The following ATP5MJ variants were observed in gnomAD, a reference collection of about 807,000 sequenced individuals.
ATP5MJ encodes ATP synthase membrane subunit j.
A neutral mutation model predicts 8.3 loss-of-function variants in ATP5MJ; 4 were observed. The ratio of observed to expected loss-of-function variants is 0.48; its 90% CI spans 0.24 to 1.11. The LOEUF (loss-of-function observed/expected upper bound fraction) is 1.11, where lower values mean the gene tolerates loss of function less well. Among genes scored for constraint, ATP5MJ ranks in the 50% least tolerant of loss-of-function variants. The pLI, the probability that ATP5MJ is intolerant of heterozygous loss-of-function variation, is 0.18. For synonymous variants in ATP5MJ, 23 were observed against 21.3 expected (o/e 1.08, Z -0.23); for missense variants, 66 against 71.8 (o/e 0.92, Z 0.29).
chr14:103,914,637 C>CAA (rs753046971), intron 2 of ATP5MJ: 314 of 423,196 alleles, frequency 7.4e-4, no homozygotes, highest in South Asian at 1.8e-3. Flanking sequence ...CCCATCTCTA[C>CAA]AAAAAAAAAA....
intron 1 of ATP5MJ, among the ~76,000 whole-genome samples, chr14:103,918,373 C>CTTTTTT: frequency 6.6e-6 from 1 of 150,482 alleles, no homozygotes. Context: ...TTTTTTTTCT[C>CTTTTTT]TTTTTTGAGA....
At chr14:103,918,794 A>AGGGAGATCAAGAGGTC (rs1189084904) in intron 1 of ATP5MJ, among the ~76,000 whole-genome samples, 8 of 151,700 alleles carry the variant, frequency 5.3e-5, no homozygotes, top group African/African-American at 9.6e-5. Flanking sequence ...GGTCCAAGGC[A>AGGGAGATCAAGAGGTC]GGGAGATCAA....
At chr14:103,914,961 T>G in intron 2 of ATP5MJ, 105 bp downstream of exon 2, 1 of 1,450,098 alleles carries the variant, frequency 6.9e-7, no homozygotes, top group Non-Finnish European at 9.5e-7. Context: ...GCTCTAATGT[T>G]CATACCTAGT....
At chr14:103,916,126 A>G (rs531005914) in intron 1 of ATP5MJ, among the ~76,000 whole-genome samples, 1 of 152,336 alleles carries the variant, frequency 6.6e-6, no homozygotes, top group Non-Finnish European at 1.5e-5. Flanking sequence ...AACAGATGAC[A>G]TAAGACAACG....
chr14:103,921,078 G>A, intron 1 of ATP5MJ: 3 of 1,524,806 alleles, frequency 2.0e-6, no homozygotes, highest in South Asian at 1.2e-5. Context: ...TGTGGCGCAA[G>A]GAAACTTGAG....
chr14:103,919,780 A>C (rs1247905131), intron 1 of ATP5MJ, among the ~76,000 whole-genome samples: 8 of 151,858 alleles, frequency 5.3e-5, no homozygotes, highest in Non-Finnish European at 1.5e-5. Context: ...TTCAGTTGCC[A>C]TATTTGCCTG....
At chr14:103,913,638 A>T in intron 3 of ATP5MJ, 1 of 432,700 alleles carries the variant, frequency 2.3e-6, no homozygotes, top group Non-Finnish European at 4.0e-6. Flanking sequence ...ATAAAACGAC[A>T]TCATTAGGGA....
chr14:103,915,577 G>A (rs571520158), intron 1 of ATP5MJ, among the ~76,000 whole-genome samples: 60 of 152,110 alleles, frequency 3.9e-4, no homozygotes, highest in African/African-American at 1.3e-3. Context: ...GAACTCCTGA[G>A]TGCAGGCGAT....
intron 2 of ATP5MJ, chr14:103,914,678 G>A (rs1404064779): frequency 1.0e-5 from 6 of 575,252 alleles, no homozygotes; most frequent in Admixed American, 8.9e-5. Flanking sequence ...TAGGTGTGGT[G>A]GTGTTGGGCA....
chr14:103,919,371 C>A (rs1372200979), intron 1 of ATP5MJ, among the ~76,000 whole-genome samples: 3 of 141,176 alleles, frequency 2.1e-5, no homozygotes, highest in Admixed American at 1.5e-4. Flanking sequence ...ACAAGACACT[C>A]CCCCTTTATC....
intron 3 of ATP5MJ, chr14:103,913,224 G>C (rs2087594448): frequency 6.5e-6 from 1 of 153,962 alleles, no homozygotes; most frequent in Non-Finnish European, 1.4e-5. Flanking sequence ...GGAGGCTAAG[G>C]CAGGAGAATT....
intron 1 of ATP5MJ, among the ~76,000 whole-genome samples, chr14:103,916,802 C>G (rs1316762733): frequency 1.3e-5 from 2 of 152,126 alleles, no homozygotes; most frequent in Non-Finnish European, 2.9e-5. Flanking sequence ...CTCCACCCCT[C>G]CCTCCCTCCA....
chr14:103,912,378 A>C lies in ATP5MJ; in HGVS notation c.*288T>G. ...CTGATCACCAAGTCCTGTACAACTGAGGTAATTATTTCACAATGATGGGTG... is the reference window on the plus strand; with the variant it reads ...CTGATCACCAAGTCCTGTACAACTGCGGTAATTATTTCACAATGATGGGTG... On this transcript the variant is annotated 3_prime_UTR_variant, in exon 4 of 4. Coordinates refer to ENST00000286953, the MANE Select transcript of ATP5MJ (RefSeq NM_004894.3). 2.4e-6 allele frequency: 1 copy of C among 413,674 alleles called. No homozygotes were observed. Among genetic ancestry groups the C allele is most frequent in the Non-Finnish European group, 4.4e-6 (1 of 229,650 alleles). The allele number at this position is 413,674 out of a possible 1,614,324, so 25.6% of individuals were successfully genotyped here.
chr14:103,914,872 A>AAAAAT, intron 2 of ATP5MJ, 194 bp downstream of exon 2: 1 of 604,694 alleles, frequency 1.7e-6, no homozygotes, highest in Non-Finnish European at 2.7e-6. Context: ...AGAAAAGAAA[A>AAAAAT]AAAAAATTCC....
At chr14:103,912,914 AAGAG>A in intron 3 of ATP5MJ, 2 of 556,382 alleles carry the variant, frequency 3.6e-6, no homozygotes, top group African/African-American at 3.7e-5. Flanking sequence ...CCACAGCGCA[AAGAG>A]AGAGGCAGGG....
chr14:103,914,117 T>C (rs1233492328), intron 2 of ATP5MJ, 133 bp from the exon 3 acceptor site: 13 of 787,766 alleles, frequency 1.7e-5, no homozygotes, highest in South Asian at 3.8e-5. Context: ...AAATGTCTTA[T>C]AGCCAAGAAA....
In ATP5MJ at chr14:103,915,157, G is replaced by T; in HGVS notation, c.33C>A (p.Ile11=). 6.2e-7 allele frequency: 1 copy of T among 1,613,622 alleles called. No individual in the cohort carries two copies. The highest frequency in any genetic ancestry group is 8.5e-7 in the Non-Finnish European group (1 of 1,179,624). The part of the protein sequence containing the change: MLQSIIKNIW[I]PMKPYYTKVY... ...CTTTGGTGTAGTAGGGCTTCATGGG[G>T]ATCCATATGTTTTTAATAATACTTT... The change falls in exon 2 of 4, where the codon ATC becomes ATA. Residue 11 remains isoleucine, a synonymous_variant. Coordinates refer to ENST00000286953, the MANE Select transcript of ATP5MJ (RefSeq NM_004894.3).
At chr14:103,916,112 A>G (rs1398172955) in intron 1 of ATP5MJ, among the ~76,000 whole-genome samples, 1 of 152,218 alleles carries the variant, frequency 6.6e-6, no homozygotes, top group East Asian at 1.9e-4. Context: ...ATTGCTAAAT[A>G]CAAAACAGAT....
At position 103,919,313 on chromosome 14, in the gene ATP5MJ, G is replaced by A. The variant is rs530112098; in HGVS notation, c.-1+2157C>T. Among the ~76,000 whole-genome samples, 13 of 151,380 alleles carry A rather than the reference G, an allele frequency of 8.6e-5. 1 individual carries two copies. The South Asian group carries it at 1.7e-3, about 20-fold the overall frequency. On this transcript the variant is annotated intron_variant, in intron 1 of 3. Transcript: ENST00000286953. Reference sequence around the variant, plus strand: ...GGAGAATCGCTTGAACCCGGGAGGCGGAGCTTGCAGTGAGCCAAGATCGTG... The same window carrying A: ...GGAGAATCGCTTGAACCCGGGAGGCAGAGCTTGCAGTGAGCCAAGATCGTG...
Sources: allele counts gnomAD v4.1 joint callset (sites outside exome capture counted in the v4.1 genomes callset), GRCh38; gene constraint gnomAD v4.1.1; transcripts MANE v1.5; gene names NCBI Gene and HGNC (gene_info 2026-07-23, HGNC 2026-07-21).